Variants in ARFGAP1 observed in about 807,000 individuals in gnomAD.
The protein encoded by ARFGAP1 is ARF GTPase activating protein 1.
A neutral mutation model predicts 54.0 loss-of-function variants in ARFGAP1; 26 were observed. The observed-to-expected ratio is 0.48, with a 90% CI of 0.35 to 0.67. ARFGAP1 has a LOEUF of 0.67. Among genes scored for constraint, ARFGAP1 ranks in the 30% least tolerant of loss-of-function variants. The pLI is 0.00. For synonymous variants in ARFGAP1, 248 were observed against 211.9 expected (o/e 1.17, Z -1.48); for missense variants, 525 against 535.8 (o/e 0.98, Z 0.20).
rs752714473 is a variant in ARFGAP1 at position 63,276,440 on chromosome 20, C to T, written c.171-40C>T. 8 of 1,584,796 alleles carry T rather than the reference C, an allele frequency of 5.0e-6. No individual in the cohort carries two copies. Among genetic ancestry groups the T allele is most frequent in the Non-Finnish European group, 6.9e-6 (8 of 1,163,464 alleles). On this transcript the variant is annotated intron_variant, in intron 3 of 12. Coordinates refer to ENST00000370283, the MANE Select transcript of ARFGAP1 (RefSeq NM_018209.4). This position sits in a 1 kb window ranked among gnomAD's most constrained non-coding sequence, Gnocchi z 5.2. ...CTGGGTGGAGGGTGTCCCTGGGTGTCCCCGGTGCTGGTTGATCTGCTCGAT... is the reference window on the plus strand; with the variant it reads ...CTGGGTGGAGGGTGTCCCTGGGTGTTCCCGGTGCTGGTTGATCTGCTCGAT...
chr20:63,277,173 A>G, intron 4 of ARFGAP1, 32 bp from the exon 5 acceptor site: 3 of 1,593,984 alleles, frequency 1.9e-6, no homozygotes, highest in Non-Finnish European at 2.6e-6. Flanking sequence ...AGGCGCCTTT[A>G]TGCTCTCGAA....
chr20:63,286,099 C>G (rs1165915342), intron 11 of ARFGAP1: 1 of 1,550,118 alleles, frequency 6.5e-7, no homozygotes, highest in Admixed American at 2.0e-5. Context: ...AAGAGCAGGC[C>G]TCGCTCCTCC....
chr20:63,281,251 TCCCAGTCCTGATGTGG>T, intron 7 of ARFGAP1, 24 bp from the exon 8 acceptor site: 1 of 1,571,944 alleles, frequency 6.4e-7, no homozygotes, highest in Non-Finnish European at 8.6e-7. Flanking sequence ...GGTTCCTGGG[TCCCAGTCCTGATGTGG>T]CTGCTCTTTG....
chr20:63,283,874 G>A (rs1179061113), intron 9 of ARFGAP1: 19 of 1,613,558 alleles, frequency 1.2e-5, no homozygotes, highest in Admixed American at 3.3e-5. Context: ...AGCAGCAGCC[G>A]GAGCCGGTAA....
rs11542296 is a variant in ARFGAP1 at position 63,276,630 on chromosome 20, C to T, written c.321C>T (p.Ala107=). 105,957 of 1,611,882 alleles carry T rather than the reference C, an allele frequency of 0.066. 3,984 individuals carry two copies. Among genetic ancestry groups the T allele is most frequent in the Non-Finnish European group, 0.07 (82,286 of 1,178,910 alleles). ...WSLQEKYNSR[A]AALFRDKVVA... is the part of the protein sequence containing the mutation. ...TGCAGGAGAAGTACAACAGCAGAGC[C>T]GCGGCCCTCTTTAGGGATAAGGTAG... is the stretch of plus-strand genomic sequence containing the variant. The change falls in exon 4 of 13, where the codon GCC becomes GCT. Residue 107 remains alanine, a synonymous_variant. Coordinates refer to ENST00000370283, the MANE Select transcript of ARFGAP1 (RefSeq NM_018209.4). This position sits in a 1 kb window ranked among gnomAD's most constrained non-coding sequence, Gnocchi z 5.2.
At position 63,287,789 on chromosome 20, in the gene ARFGAP1, C is replaced by T. The variant is rs768500935; in HGVS notation, c.1137C>T (p.Asp379=). The T allele has an allele frequency of 1.8e-5, 29 of 1,568,196 alleles. No homozygotes were observed. Among genetic ancestry groups the T allele is most frequent in the Middle Eastern group, 1.7e-4 (1 of 5,932 alleles). ...CCACCAACAGGAACAGCAACAGCGACGGCGGGGAGGGCGGGGAGGGCACCA... is the reference window on the plus strand; with the variant it reads ...CCACCAACAGGAACAGCAACAGCGATGGCGGGGAGGGCGGGGAGGGCACCA... ...SASTNRNSNS[D]GGEGGEGTKK... The change falls in exon 13 of 13, where the codon GAC becomes GAT. Residue 379 remains aspartate, a synonymous_variant. Coordinates refer to ENST00000370283, the MANE Select transcript of ARFGAP1 (RefSeq NM_018209.4).
chr20:63,287,734 C>CG lies in ARFGAP1; in HGVS notation c.1084dup (p.Asp362GlyfsTer37), dbSNP rs1568747362. ...GACACCTCCACCGAGAGGAGGAGCTCGGACAGCTGGGAGGTGTGGGGCTCG... is the reference window on the plus strand; with the variant it reads ...GACACCTCCACCGAGAGGAGGAGCTCGGGACAGCTGGGAGGTGTGGGGCTCG... On this transcript the variant is annotated frameshift_variant, in exon 13 of 13. Coordinates refer to ENST00000370283, the MANE Select transcript of ARFGAP1 (RefSeq NM_018209.4). LOFTEE classifies it low-confidence loss of function (END_TRUNC). 2 of 1,610,576 alleles carry CG rather than the reference C, an allele frequency of 1.2e-6. No individual in the cohort carries two copies. The highest frequency in any genetic ancestry group is 4.5e-5 in the East Asian group (2 of 44,758).
In ARFGAP1 at chr20:63,288,770, T is replaced by C. The variant is rs182210267; in HGVS notation, c.*897T>C. On this transcript the variant is annotated 3_prime_UTR_variant, in exon 13 of 13. Transcript: ENST00000370283. ...GCCCTGCACACCGGTGCCCGCCACATGCCAACCCTCACCTCCCCGAGGACT... is the reference window on the plus strand; with the variant it reads ...GCCCTGCACACCGGTGCCCGCCACACGCCAACCCTCACCTCCCCGAGGACT... The C allele has an allele frequency of 2.9e-5, 10 of 343,892 alleles. No individual in the cohort carries two copies. The East Asian group carries it at 7.5e-4, about 26-fold the overall frequency. The allele number at this position is 343,892 out of a possible 1,614,324, so 21.3% of individuals were successfully genotyped here. A position where few individuals can be genotyped will look rare whatever the true frequency, so the allele number is the denominator to read the frequency against.
In ARFGAP1 at chr20:63,279,876, C is replaced by T. The variant is rs150749352; in HGVS notation, c.627+881C>T. On this transcript the variant is annotated intron_variant, in intron 7 of 12. Transcript: ENST00000370283. ...TGATTTTTGTAGGTGTGATGGCTCA[C>T]GCCTGTAATCCCAGCACTTTGGGAG... Among the ~76,000 whole-genome samples the T allele has an allele frequency of 8.4e-3, 1,280 of 152,328 alleles. 22 individuals carry two copies. The highest frequency in any genetic ancestry group is 0.029 in the African/African-American group (1,217 of 41,566).
At chr20:63,284,836 G>T in intron 9 of ARFGAP1, 30 bp from the exon 10 acceptor site, 3 of 1,611,304 alleles carry the variant, frequency 1.9e-6, no homozygotes, top group Non-Finnish European at 2.5e-6. Flanking sequence ...TGGAGCTGTC[G>T]TGGGGCTCAC....
At chr20:63,277,449 T>G (rs1446268367) in intron 5 of ARFGAP1, 144 bp downstream of exon 5, 7 of 707,350 alleles carry the variant, frequency 9.9e-6, no homozygotes, top group Non-Finnish European at 1.3e-5. Context: ...TTTTTAAAAT[T>G]GCCAAAACAA....
At chr20:63,274,813 A>T (rs2067193184) in intron 1 of ARFGAP1, among the ~76,000 whole-genome samples, 2 of 152,214 alleles carry the variant, frequency 1.3e-5, no homozygotes, top group South Asian at 4.1e-4. Context: ...TAGATGGGCC[A>T]CCAGTTGAAG....
chr20:63,276,697 C>G lies in ARFGAP1; in HGVS notation c.342+46C>G, dbSNP rs1424560295. ...CTCTTGCCCATGGTGTGGGGCTGCC[C>G]TGCCGTTTGTGGCAGCTGGACTGTG... On this transcript the variant is annotated intron_variant, in intron 4 of 12. Coordinates refer to ENST00000370283, the MANE Select transcript of ARFGAP1 (RefSeq NM_018209.4). The surrounding 1 kb of genome is among the most constrained non-coding windows in gnomAD (Gnocchi z 5.2). The G allele has an allele frequency of 1.3e-6, 2 of 1,550,774 alleles. No individual in the cohort carries two copies. The highest frequency in any genetic ancestry group is 1.7e-6 in the Non-Finnish European group (2 of 1,146,472).
Position 63,281,311 on chromosome 20 carries a change from T to G in ARFGAP1, c.648T>G (p.Thr216=). The change falls in exon 8 of 13, where the codon ACT becomes ACG. Residue 216 remains threonine (T), a synonymous_variant. Transcript: ENST00000370283. ...SLYSGWSSFT[T]GASRFASAAK... is the part of the protein sequence containing the mutation. ...CTCAGGGCTGGAGCAGCTTCACCACTGGAGCCAGCCGGTTTGCCTCGGCAG... is the reference window on the plus strand; with the variant it reads ...CTCAGGGCTGGAGCAGCTTCACCACGGGAGCCAGCCGGTTTGCCTCGGCAG... 6.2e-7 allele frequency: 1 copy of G among 1,602,066 alleles called. No individual in the cohort carries two copies. The highest frequency in any genetic ancestry group is 8.5e-7 in the Non-Finnish European group (1 of 1,177,566).
Position 63,287,781 on chromosome 20 carries a change from A to G in ARFGAP1, c.1129A>G (p.Asn377Asp). The change falls in exon 13 of 13, where the codon AAC becomes GAC. Residue 377 changes from asparagine (N) to aspartate (D), a missense_variant. Physicochemically the swap from Asn to Asp is conservative, Grantham distance 23 (BLOSUM62 1). Coordinates refer to ENST00000370283, the MANE Select transcript of ARFGAP1 (RefSeq NM_018209.4). Reference protein sequence around the residue: ...WGSASTNRNSNSDGGEGGEGT... With the variant: ...WGSASTNRNSDSDGGEGGEGT... The stretch of plus-strand genomic sequence containing the variant: ...CTCGGCCTCCACCAACAGGAACAGC[A>G]ACAGCGACGGCGGGGAGGGCGGGGA... 1 of 1,607,700 alleles carries G rather than the reference A, an allele frequency of 6.2e-7. No homozygotes were observed. The highest frequency in any genetic ancestry group is 8.5e-7 in the Non-Finnish European group (1 of 1,177,806).
In ARFGAP1 at chr20:63,277,210, C is replaced by T. The variant is rs1401368853; in HGVS notation, c.348C>T (p.Val116=). ...GCCCTGTGTCTCCTTGTCAGGTGGT[C>T]GCTCTGGCCGAAGGCAGAGAGTGGT... is the stretch of plus-strand genomic sequence containing the variant. ...RAAALFRDKV[V]ALAEGREWSL... Residue 116 remains valine, a synonymous_variant, in exon 5 of 13, where the codon GTC becomes GTT. Coordinates refer to ENST00000370283, the MANE Select transcript of ARFGAP1 (RefSeq NM_018209.4). 8.7e-6 allele frequency: 14 copies of T among 1,611,856 alleles called. No individual in the cohort carries two copies. Among genetic ancestry groups the T allele is most frequent in the African/African-American group, 2.7e-5 (2 of 74,968 alleles).
intron 12 of ARFGAP1, chr20:63,286,833 C>T (rs531606967): frequency 2.3e-4 from 52 of 226,936 alleles, no homozygotes; most frequent in Admixed American, 1.2e-3. Context: ...CTCTGTCTCC[C>T]AGACTCTGGG....
Position 63,284,085 on chromosome 20 carries a change from C to T in ARFGAP1, c.718-781C>T, listed in dbSNP as rs1055640672. Reference sequence around the variant, plus strand: ...TGGCTGTGTGTGCCTGTCACCCCTGCGCAGTACCACTGCGCTCCCCCCGGG... The same window carrying T: ...TGGCTGTGTGTGCCTGTCACCCCTGTGCAGTACCACTGCGCTCCCCCCGGG... On this transcript the variant is annotated intron_variant, in intron 9 of 12. Coordinates refer to ENST00000370283, the MANE Select transcript of ARFGAP1 (RefSeq NM_018209.4). 20 of 1,382,738 alleles carry T rather than the reference C, an allele frequency of 1.4e-5. No homozygotes were observed. In the East Asian group the frequency reaches 2.5e-4, roughly 17 times the overall value. The allele number at this position is 1,382,738 out of a possible 1,614,324, so 85.7% of individuals were successfully genotyped here. A position where few individuals can be genotyped will look rare whatever the true frequency, so the allele number is the denominator to read the frequency against.
rs1051360360 is a variant in ARFGAP1, at chr20:63,283,777, G to A, written c.717+926G>A. 62 of 1,575,172 alleles carry A rather than the reference G, an allele frequency of 3.9e-5. No individual in the cohort carries two copies. The Middle Eastern group carries it at 6.7e-4, about 17-fold the overall frequency. On this transcript the variant is annotated intron_variant, in intron 9 of 12. Coordinates refer to ENST00000370283, the MANE Select transcript of ARFGAP1 (RefSeq NM_018209.4). ...TGTTGCGGCACCCCATGGTGGGTTCGAAGGCGCTGCTGGTTACTAATGCCG... is the reference window on the plus strand; with the variant it reads ...TGTTGCGGCACCCCATGGTGGGTTCAAAGGCGCTGCTGGTTACTAATGCCG...
Sources: allele counts gnomAD v4.1 joint callset (sites outside exome capture counted in the v4.1 genomes callset), GRCh38; gene constraint gnomAD v4.1.1; non-coding constraint Gnocchi (gnomAD v3.1); transcripts MANE v1.5; gene names NCBI Gene and HGNC (gene_info 2026-07-23, HGNC 2026-07-21).